CEP70: variants seen among roughly 807,000 people sequenced by gnomAD.
CEP70 encodes the protein centrosomal protein of 70 kDa.
Under a neutral mutation model 90.9 loss-of-function variants are expected in CEP70, and 70 were observed. That is an observed-to-expected ratio of 0.77 (90% confidence interval 0.64 to 0.94). The LOEUF is 0.94. Ranked by LOEUF, CEP70 falls within the 40% of genes least tolerant of loss-of-function variation. The probability of loss-of-function intolerance (pLI) is 0.00; values close to 1 mark genes in which losing one functional copy is unlikely to be tolerated. For missense variants in CEP70, 648 were observed against 669.0 expected (o/e 0.97, Z 0.35); for synonymous variants, 220 against 228.3 (o/e 0.96, Z 0.33).
At chr3:138,547,599 T>A (rs2039309902) in intron 6 of CEP70, among the ~76,000 whole-genome samples, 1 of 152,226 alleles carries the variant, frequency 6.6e-6, no homozygotes, top group Admixed American at 6.5e-5. Flanking sequence ...TTAAAGGAAG[T>A]ACTTCACAGC....
intron 2 of CEP70, among the ~76,000 whole-genome samples, chr3:138,578,492 C>T (rs1020029087): frequency 2.0e-5 from 3 of 152,144 alleles, no homozygotes; most frequent in African/African-American, 7.2e-5. Flanking sequence ...CCTGTGAACA[C>T]TCAAAATGGA....
chr3:138,498,256 G>T, intron 16 of CEP70, 146 bp from the exon 17 acceptor site: 3 of 566,110 alleles, frequency 5.3e-6, no homozygotes, highest in South Asian at 2.5e-5. Context: ...TTCTTTCTGA[G>T]CTTTTTGTTA....
At chr3:138,555,287 T>C (rs1329153288) in intron 6 of CEP70, among the ~76,000 whole-genome samples, 1 of 149,068 alleles carries the variant, frequency 6.7e-6, no homozygotes, top group African/African-American at 2.5e-5. Context: ...ATCAAGGACT[T>C]AAATGACTTA....
chr3:138,532,609 ATG>A, intron 7 of CEP70, 39 bp from the exon 8 acceptor site: 2 of 495,158 alleles, frequency 4.0e-6, no homozygotes, highest in Non-Finnish European at 6.0e-6. Context: ...AAAATGCGGT[ATG>A]GTATTACAGC....
At chr3:138,543,629 T>G (rs550507) in intron 6 of CEP70, among the ~76,000 whole-genome samples, 1 of 151,962 alleles carries the variant, frequency 6.6e-6, no homozygotes, top group African/African-American at 2.4e-5. Flanking sequence ...GACAGCTCCA[T>G]GGAGCACGCA....
rs181192818 is a variant in CEP70, at chr3:138,576,133, C to T, written c.-5-3201G>A. Among the ~76,000 whole-genome samples, 213 of 152,160 alleles carry T rather than the reference C, an allele frequency of 1.4e-3. 1 individual carries two copies. Among genetic ancestry groups the T allele is most frequent in the Middle Eastern group, 3.4e-3 (1 of 294 alleles). ...CCTTAAATGTAAATGGGCTAAATGC[C>T]CCAATTAAAAGACACAGACTGGCAA... On this transcript the variant is annotated intron_variant, in intron 2 of 17. Transcript: ENST00000264982.
At position 138,591,941 on chromosome 3, in the gene CEP70, G is replaced by A; in HGVS notation, c.-93C>T. On this transcript the variant is annotated 5_prime_UTR_variant, in exon 2 of 18. The change creates a premature stop within an existing upstream ORF in the 5' untranslated region. Transcript: ENST00000264982. The stretch of plus-strand genomic sequence containing the variant: ...TGATCACCCAACGAGTCTCATGTCT[G>A]AAACTGGATCTTCATCTAGGTTTCA... 6 of 1,082,656 alleles carry A rather than the reference G, an allele frequency of 5.5e-6. No individual in the cohort carries two copies. The South Asian group carries it at 1.0e-4, about 18-fold the overall frequency. The allele number at this position is 1,082,656 out of a possible 1,614,324, so 67.1% of individuals were successfully genotyped here. A position where few individuals can be genotyped will look rare whatever the true frequency, so the allele number is the denominator to read the frequency against.
intron 7 of CEP70, 70 bp downstream of exon 7, chr3:138,537,108 T>C (rs1576710705): frequency 9.0e-7 from 1 of 1,105,510 alleles, no homozygotes; most frequent in Non-Finnish European, 1.2e-6. Context: ...CCCAAGATAA[T>C]ATCAGGTAAA....
rs562067952 is a variant in CEP70, at chr3:138,522,620, C to A, written c.944+2870G>T. On this transcript the variant is annotated intron_variant, in intron 11 of 17. Coordinates refer to ENST00000264982, the MANE Select transcript of CEP70 (RefSeq NM_024491.4). ...CCTCTACGCAAATAAACTAGAAAAT[C>A]TAGAAGAAATGGATAAATTCCTCAA... Among the ~76,000 whole-genome samples the A allele has an allele frequency of 1.6e-4, 25 of 152,278 alleles. 1 individual carries two copies. The South Asian group carries it at 5.0e-3, about 30-fold the overall frequency.
intron 11 of CEP70, among the ~76,000 whole-genome samples, chr3:138,517,833 G>T (rs749149318): frequency 6.6e-6 from 1 of 152,198 alleles, no homozygotes; most frequent in African/African-American, 2.4e-5. Flanking sequence ...CGGAAAGTGG[G>T]TGCAGGACAG....
chr3:138,589,096 A>G (rs2042248077), intron 2 of CEP70, among the ~76,000 whole-genome samples: 1 of 152,104 alleles, frequency 6.6e-6, no homozygotes, highest in Non-Finnish European at 1.5e-5. Context: ...AGAACAAGGG[A>G]ATTTGGGGGG....
intron 1 of CEP70, chr3:138,593,004 G>A (rs1385205553): frequency 6.6e-6 from 1 of 152,176 alleles, no homozygotes; most frequent in Non-Finnish European, 1.5e-5. Context: ...GAGTTAAAAT[G>A]GAATGTCATC....
chr3:138,582,409 C>T lies in CEP70; in HGVS notation c.-6+9445G>A, dbSNP rs190416483. On this transcript the variant is annotated intron_variant, in intron 2 of 17. Coordinates refer to ENST00000264982, the MANE Select transcript of CEP70 (RefSeq NM_024491.4). ...ATCGCTTGAACCTGGGAGGTGGAGG[C>T]TGCAGTGAGCCAAGATAGCGCCACT... is the stretch of plus-strand genomic sequence containing the variant. 5.7e-3 allele frequency among the ~76,000 whole-genome samples: 853 copies of T among 150,652 alleles called. 7 individuals carry two copies. Among genetic ancestry groups the T allele is most frequent in the African/African-American group, 0.02 (822 of 40,962 alleles).
chr3:138,517,911 G>A (rs1441798966), intron 11 of CEP70, among the ~76,000 whole-genome samples: 1 of 152,210 alleles, frequency 6.6e-6, no homozygotes, highest in Non-Finnish European at 1.5e-5. Context: ...AGCACAAAGG[G>A]TCAGGGAATT....
chr3:138,519,942 C>A (rs1241319594), intron 11 of CEP70, among the ~76,000 whole-genome samples: 4 of 152,144 alleles, frequency 2.6e-5, no homozygotes, highest in Admixed American at 6.5e-5. Context: ...AAGCCCATCT[C>A]ACATGCAGAG....
intron 2 of CEP70, among the ~76,000 whole-genome samples, chr3:138,588,231 A>C (rs1352750802): frequency 6.6e-6 from 1 of 152,232 alleles, no homozygotes; most frequent in Non-Finnish European, 1.5e-5. Flanking sequence ...ATACAATTCA[A>C]GAACAAATGG....
intron 6 of CEP70, among the ~76,000 whole-genome samples, chr3:138,543,490 C>T (rs1178851748): frequency 1.3e-5 from 2 of 152,192 alleles, no homozygotes; most frequent in Non-Finnish European, 2.9e-5. Flanking sequence ...ACTTCCAAGC[C>T]TGAGGGGGCA....
intron 10 of CEP70, among the ~76,000 whole-genome samples, chr3:138,525,771 G>A (rs563089671): frequency 1.1e-4 from 17 of 152,112 alleles, no homozygotes; most frequent in Middle Eastern, 3.4e-3. Flanking sequence ...CCTTTTAGTC[G>A]TTTTTTGCTG....
chr3:138,550,429 T>C (rs905385322), intron 6 of CEP70, among the ~76,000 whole-genome samples: 8 of 152,228 alleles, frequency 5.3e-5, no homozygotes, highest in Non-Finnish European at 8.8e-5. Context: ...AATGGAGTGA[T>C]CTTGGCTCAC....
Sources: allele counts gnomAD v4.1 joint callset (sites outside exome capture counted in the v4.1 genomes callset), GRCh38; gene constraint gnomAD v4.1.1; transcripts MANE v1.5; gene names NCBI Gene and HGNC (gene_info 2026-07-23, HGNC 2026-07-21).